The following SPIDR variants were observed in gnomAD, a reference collection of about 807,000 sequenced individuals.
SPIDR encodes the protein DNA repair-scaffolding protein.
In SPIDR, 93 loss-of-function variants were observed where a neutral mutation model predicts 104.6. That is an observed-to-expected ratio of 0.89 (90% CI 0.75 to 1.06). SPIDR has a LOEUF of 1.06. SPIDR is among the 50% of genes least tolerant of loss of function. The pLI is 0.00. For synonymous variants in SPIDR, 431 were observed against 416.9 expected, an observed-to-expected ratio of 1.03 and a Z score of -0.41; for missense variants, 1,154 against 1,111.2, an observed-to-expected ratio of 1.04 and a Z score of -0.55.
chr8:47,433,611 T>C lies in SPIDR; in HGVS notation c.878-6712T>C, dbSNP rs933863989. On this transcript the variant is annotated intron_variant, in intron 7 of 19. Transcript: ENST00000297423. ...TGATAGTCCTTTTTCTTTTGGCATT[T>C]GGAAGGCCTAAATGATCGTAAGAAT... Among the ~76,000 whole-genome samples, 8 of 152,328 alleles carry C rather than the reference T, an allele frequency of 5.3e-5. No homozygotes were observed. The South Asian group carries it at 1.7e-3, about 32-fold the overall frequency.
At chr8:47,307,321 A>G (rs1226827946) in intron 5 of SPIDR, among the ~76,000 whole-genome samples, 1 of 150,368 alleles carries the variant, frequency 6.7e-6, no homozygotes, top group Non-Finnish European at 1.5e-5. Flanking sequence ...CCTGGGTTCA[A>G]GCAGTTATCC....
intron 8 of SPIDR, among the ~76,000 whole-genome samples, chr8:47,470,269 G>A (rs2075499045): frequency 6.6e-6 from 1 of 151,948 alleles, no homozygotes. Context: ...GGTGAAGTGA[G>A]TTTTGTTTTT....
At chr8:47,658,339 A>T (rs1387826810) in intron 10 of SPIDR, among the ~76,000 whole-genome samples, 1 of 149,324 alleles carries the variant, frequency 6.7e-6, no homozygotes, top group Non-Finnish European at 1.5e-5. Flanking sequence ...AATCGCTTGA[A>T]CCCAGGAGGC....
At chr8:47,584,877 C>T (rs2060105532) in intron 8 of SPIDR, among the ~76,000 whole-genome samples, 1 of 152,206 alleles carries the variant, frequency 6.6e-6, no homozygotes. Flanking sequence ...CCCCCTCCCA[C>T]TCCATCTGCC....
chr8:47,528,939 A>G (rs192654007), intron 8 of SPIDR, among the ~76,000 whole-genome samples: 2 of 152,352 alleles, frequency 1.3e-5, no homozygotes, highest in Admixed American at 1.3e-4. Flanking sequence ...CTTAAACACC[A>G]ACAGGATAAA....
chr8:47,689,721 G>C (rs1233786826), intron 11 of SPIDR, among the ~76,000 whole-genome samples: 4 of 152,072 alleles, frequency 2.6e-5, no homozygotes, highest in South Asian at 2.1e-4. Flanking sequence ...GCCCCTTCTC[G>C]TCTGCAACTC....
intron 8 of SPIDR, among the ~76,000 whole-genome samples, chr8:47,453,142 A>C (rs2072195409): frequency 6.6e-6 from 1 of 152,232 alleles, no homozygotes. Context: ...ATACCTGGGA[A>C]TCCAACTTAG....
intron 5 of SPIDR, among the ~76,000 whole-genome samples, chr8:47,359,917 C>G (rs1554628711): frequency 6.6e-6 from 1 of 152,078 alleles, no homozygotes; most frequent in South Asian, 2.1e-4. Flanking sequence ...TTTGAAAGAG[C>G]CTGGAACAAT....
At chr8:47,703,776 A>C (rs1220297475) in intron 14 of SPIDR, among the ~76,000 whole-genome samples, 1 of 152,214 alleles carries the variant, frequency 6.6e-6, no homozygotes, top group Non-Finnish European at 1.5e-5. Flanking sequence ...GGTGCTGAGC[A>C]TGGCTGGAGG....
intron 17 of SPIDR, among the ~76,000 whole-genome samples, chr8:47,727,805 T>C (rs1443137292): frequency 6.6e-6 from 1 of 152,150 alleles, no homozygotes; most frequent in African/African-American, 2.4e-5. Context: ...AGGGACAGGC[T>C]CATTACTTTT....
rs1001815015 is a variant in SPIDR at position 47,531,619 on chromosome 8, G to C, written c.1098-64192G>C. Among the ~76,000 whole-genome samples, 7 of 152,302 alleles carry C rather than the reference G, an allele frequency of 4.6e-5. No homozygotes were observed. The East Asian group carries it at 1.4e-3, about 29-fold the overall frequency. ...GTAAAAGCTTCTGCTAAACCCTTCA[G>C]TGAGAATTTTCTTGGGGATTCTACT... is the stretch of plus-strand genomic sequence containing the variant. On this transcript the variant is annotated intron_variant, in intron 8 of 19. Transcript: ENST00000297423.
rs545019388 is a variant in SPIDR, at chr8:47,702,500, C to G, written c.1977+485C>G. ...TTCAAAACTGAAAGCCCCCCCATCC[C>G]ACCTCCATGGTCCCTGTGAGGCCTT... On this transcript the variant is annotated intron_variant, in intron 14 of 19. Transcript: ENST00000297423. Among the ~76,000 whole-genome samples, 375 of 152,294 alleles carry G rather than the reference C, an allele frequency of 2.5e-3. 2 individuals carry two copies. Among genetic ancestry groups the G allele is most frequent in the African/African-American group, 8.7e-3 (362 of 41,560 alleles).
At chr8:47,629,024 G>GTT (rs1359526584) in intron 10 of SPIDR, among the ~76,000 whole-genome samples, 1 of 152,152 alleles carries the variant, frequency 6.6e-6, no homozygotes, top group African/African-American at 2.4e-5. Context: ...AAAAATATAA[G>GTT]GACTGAGATT....
intron 8 of SPIDR, among the ~76,000 whole-genome samples, chr8:47,485,043 G>T (rs1446555425): frequency 6.6e-6 from 1 of 152,222 alleles, no homozygotes; most frequent in Non-Finnish European, 1.5e-5. Context: ...CTGAAGCAGG[G>T]CGAGGCATGG....
At chr8:47,635,479 C>T (rs1165933160) in intron 10 of SPIDR, among the ~76,000 whole-genome samples, 1 of 152,170 alleles carries the variant, frequency 6.6e-6, no homozygotes, top group East Asian at 1.9e-4. Flanking sequence ...CTTGTACCCC[C>T]ATAAATATAT....
intron 7 of SPIDR, among the ~76,000 whole-genome samples, chr8:47,429,901 A>G (rs1327902290): frequency 6.6e-6 from 1 of 152,018 alleles, no homozygotes; most frequent in Middle Eastern, 3.2e-3. Context: ...TACATGTGCC[A>G]TGCTGGTGTG....
chr8:47,355,350 A>T (rs80226431), intron 5 of SPIDR, among the ~76,000 whole-genome samples: 10,058 of 139,502 alleles, frequency 0.072, 442 homozygotes, highest in Middle Eastern at 0.15. Context: ...CATGTCTGGT[A>T]ATTAGCATTT....
intron 8 of SPIDR, among the ~76,000 whole-genome samples, chr8:47,593,676 G>A (rs1258639801): frequency 6.6e-6 from 1 of 152,202 alleles, no homozygotes. Context: ...AAAGTGAGGA[G>A]TGGAGTGGGT....
At chr8:47,400,392 A>G (rs2061717752) in intron 6 of SPIDR, among the ~76,000 whole-genome samples, 1 of 152,240 alleles carries the variant, frequency 6.6e-6, no homozygotes, top group South Asian at 2.1e-4. Context: ...TAAATACTAA[A>G]AATGAGATTG....
Sources: allele counts gnomAD v4.1 joint callset (sites outside exome capture counted in the v4.1 genomes callset), GRCh38; gene constraint gnomAD v4.1.1; transcripts MANE v1.5; gene names NCBI Gene and HGNC (gene_info 2026-07-23, HGNC 2026-07-21).